Variants in TMEM67 observed in about 807,000 individuals in gnomAD.
TMEM67 encodes the protein transmembrane protein 67.
Under a neutral mutation model 136.6 loss-of-function variants are expected in TMEM67, and 124 were observed. That is an observed-to-expected ratio of 0.91 (90% CI 0.78 to 1.05). TMEM67 has a LOEUF of 1.05. Among genes scored for constraint, TMEM67 ranks in the 50% least tolerant of loss-of-function variants. The pLI is 0.00. For synonymous variants in TMEM67, 364 were observed against 390.5 expected (o/e 0.93, Z 0.80); for missense variants, 1,107 against 1,178.4 (o/e 0.94, Z 0.89).
chr8:93,796,446 G>A (rs940522470), intron 18 of TMEM67, among the ~76,000 whole-genome samples: 2 of 152,128 alleles, frequency 1.3e-5, no homozygotes, highest in Non-Finnish European at 2.9e-5. Context: ...ATCAATGTAG[G>A]TGAATCTCTT....
rs1187490694 is a variant in TMEM67, at chr8:93,795,902, C to G, written c.1775C>G (p.Ala592Gly). 1.3e-6 allele frequency: 2 copies of G among 1,591,202 alleles called. No homozygotes were observed. The highest frequency in any genetic ancestry group is 1.7e-6 in the Non-Finnish European group (2 of 1,159,674). The stretch of plus-strand genomic sequence containing the variant: ...TTAATCAAGTAATTTTTATTATAGG[C>G]ACAGAAGTCTGTGTCTGTTTTGCTG... ...TGLYWLIFFK[A>G]QKSVSVLLPM... Residue 592 changes from alanine to glycine, a missense_variant and splice_region_variant, in exon 18 of 28, where the codon GCA becomes GGA. By Grantham distance (60) the Ala-to-Gly change is moderately conservative. Transcript: ENST00000453321.
intron 15 of TMEM67, 143 bp from the exon 16 acceptor site, chr8:93,793,055 G>A (rs1345702015): frequency 1.4e-5 from 10 of 732,298 alleles, no homozygotes; most frequent in Non-Finnish European, 2.4e-5. Context: ...ACAGGTGTGA[G>A]CCACTGTGCC....
intron 23 of TMEM67, among the ~76,000 whole-genome samples, chr8:93,808,229 A>G (rs1401151734): frequency 6.8e-6 from 1 of 146,864 alleles, no homozygotes; most frequent in Non-Finnish European, 1.5e-5. Flanking sequence ...AAATATATAT[A>G]TGCTCTACTT....
intron 16 of TMEM67, chr8:93,794,800 A>T (rs1814533653): frequency 6.3e-6 from 1 of 157,616 alleles, no homozygotes; most frequent in Admixed American, 6.1e-5. Flanking sequence ...TTAGTGAGCA[A>T]AGACAGACAT....
intron 21 of TMEM67, among the ~76,000 whole-genome samples, chr8:93,802,902 A>G (rs960067445): frequency 3.9e-5 from 6 of 152,186 alleles, no homozygotes; most frequent in African/African-American, 1.4e-4. Context: ...GGAACAAATG[A>G]CAGATTGTGC....
chr8:93,794,064 G>A (rs1814503031), intron 16 of TMEM67, among the ~76,000 whole-genome samples: 1 of 151,836 alleles, frequency 6.6e-6, no homozygotes, highest in Non-Finnish European at 1.5e-5. Flanking sequence ...GCTAATTTTT[G>A]TATTTTTAGT....
chr8:93,783,086 A>T (rs1291319640), intron 11 of TMEM67, among the ~76,000 whole-genome samples: 1 of 152,066 alleles, frequency 6.6e-6, no homozygotes, highest in South Asian at 2.1e-4. Flanking sequence ...CCTGGGTTCA[A>T]GCAATTCTCG....
chr8:93,773,595 G>A (rs1813413574), intron 7 of TMEM67, among the ~76,000 whole-genome samples: 1 of 152,126 alleles, frequency 6.6e-6, no homozygotes, highest in Non-Finnish European at 1.5e-5. Flanking sequence ...TCATGAGCTG[G>A]ATAAGGGGCA....
chr8:93,831,450 G>A, the TMEM67 span, among the ~76,000 whole-genome samples: 4 of 152,166 alleles, frequency 2.6e-5, no homozygotes, highest in African/African-American at 2.4e-5. Flanking sequence ...AACAGCTGAC[G>A]ATGGTTTAAT....
chr8:93,825,214 A>G, the TMEM67 span, among the ~76,000 whole-genome samples: 2 of 152,206 alleles, frequency 1.3e-5, no homozygotes, highest in Non-Finnish European at 2.9e-5. Flanking sequence ...ACATTTACTT[A>G]TTTGACTGCT....
intron 7 of TMEM67, among the ~76,000 whole-genome samples, chr8:93,776,265 G>A (rs759988756): frequency 2.0e-5 from 3 of 152,290 alleles, no homozygotes; most frequent in Non-Finnish European, 2.9e-5. Context: ...AGACAATGGG[G>A]TTTTCTAAAT....
chr8:93,766,448 T>G (rs1268672305), intron 6 of TMEM67, among the ~76,000 whole-genome samples: 1 of 152,158 alleles, frequency 6.6e-6, no homozygotes, highest in Non-Finnish European at 1.5e-5. Context: ...ATGAGAGCAT[T>G]GAGGCCTAGA....
chr8:93,793,046 C>T, intron 15 of TMEM67, 152 bp from the exon 16 acceptor site: 1 of 702,536 alleles, frequency 1.4e-6, no homozygotes. Context: ...GCTGGGATTA[C>T]AGGTGTGAGC....
rs1198602366 is a variant in TMEM67, at chr8:93,765,477, TA to T, written c.576+4del. On this transcript the variant is annotated splice_donor_region_variant and intron_variant, in intron 5 of 27. Transcript: ENST00000453321. ...GCATGTTCAGAACCTAACATTTTAG[TA>T]AGGCTAACCAAATTGATAAAGTATA... 1 of 1,611,458 alleles carries T rather than the reference TA, an allele frequency of 6.2e-7. No homozygotes were observed. Among genetic ancestry groups the T allele is most frequent in the Non-Finnish European group, 8.5e-7 (1 of 1,179,032 alleles).
At chr8:93,812,840 G>A (rs576613162) in intron 26 of TMEM67, among the ~76,000 whole-genome samples, 16 of 151,906 alleles carry the variant, frequency 1.1e-4, no homozygotes, top group African/African-American at 3.1e-4. Context: ...AGGTTCAAGC[G>A]ATTCTCCTGC....
Position 93,799,760 on chromosome 8 carries a change from T to G in TMEM67, c.2241+2T>G. 1 of 1,611,534 alleles carries G rather than the reference T, an allele frequency of 6.2e-7. No individual in the cohort carries two copies. The highest frequency in any genetic ancestry group is 8.5e-7 in the Non-Finnish European group (1 of 1,177,814). On this transcript the variant is annotated splice_donor_variant, in intron 21 of 27. Coordinates refer to ENST00000453321, the MANE Select transcript of TMEM67 (RefSeq NM_153704.6). LOFTEE classifies it high-confidence loss of function. ...TGGCTAGCCATTGGAATTATACAGGTAAGGAATTATACAGGTAATATTACT... is the reference window on the plus strand; with the variant it reads ...TGGCTAGCCATTGGAATTATACAGGGAAGGAATTATACAGGTAATATTACT...
At chr8:93,788,271 T>G (rs1814207895) in intron 14 of TMEM67, among the ~76,000 whole-genome samples, 1 of 152,132 alleles carries the variant, frequency 6.6e-6, no homozygotes, top group Non-Finnish European at 1.5e-5. Flanking sequence ...TTGCTTTTGT[T>G]AAGATTTTGT....
chr8:93,816,092 GAAGA>G (rs1038416007), intron 27 of TMEM67, among the ~76,000 whole-genome samples: 4 of 152,198 alleles, frequency 2.6e-5, no homozygotes, highest in African/African-American at 9.6e-5. Context: ...TTTAGACTTA[GAAGA>G]AAGTTGCCTT....
chr8:93,785,252 G>C lies in TMEM67; in HGVS notation c.1162G>C (p.Asp388His). ...GATTCCTATCTCTAAGATCTTAATT[G>C]ACTTTCCCACTCCTATATTTTATGA... ...CEIPISKILI[D>H]FPTPIFYDVY... Residue 388 changes from aspartate to histidine, a missense_variant, in exon 12 of 28, where the codon GAC (aspartate) becomes CAC (histidine). Around this residue, in one of 3 missense-constraint regions of TMEM67, gnomAD observed 925 missense variants for 1,002.4 expected, o/e 0.92. Coordinates refer to ENST00000453321, the MANE Select transcript of TMEM67 (RefSeq NM_153704.6). The C allele has an allele frequency of 6.3e-7, 1 of 1,592,918 alleles. No homozygotes were observed.
Sources: allele counts gnomAD v4.1 joint callset (sites outside exome capture counted in the v4.1 genomes callset), GRCh38; gene constraint gnomAD v4.1.1; regional missense constraint gnomAD v4.1.1; transcripts MANE v1.5; gene names NCBI Gene and HGNC (gene_info 2026-07-23, HGNC 2026-07-21).